The following TECRL variants were observed in gnomAD, a reference collection of about 807,000 sequenced individuals.
TECRL encodes trans-2,3-enoyl-CoA reductase-like.
A neutral mutation model predicts 52.8 loss-of-function variants in TECRL; 63 were observed. The observed-to-expected ratio is 1.19, with a 90% CI of 0.97 to 1.47. TECRL has a LOEUF of 1.47. Among genes scored for constraint, TECRL ranks in the 40% most tolerant of loss-of-function variants. TECRL has a pLI of 0.00. For missense variants in TECRL, 482 were observed against 429.6 expected (o/e 1.12, Z -1.08); for synonymous variants, 164 against 141.9 (o/e 1.16, Z -1.10).
At chr4:64,367,182 A>C (rs1022079972) in intron 2 of TECRL, among the ~76,000 whole-genome samples, 10 of 152,092 alleles carry the variant, frequency 6.6e-5, no homozygotes, top group African/African-American at 2.4e-4. Flanking sequence ...GGAGCAAAGC[A>C]CTAAGTACAC....
rs1157247139 is a variant in TECRL, at chr4:64,279,697, G to A, written c.*375C>T. ...TTTTAAAAATATACTTATTGACCAT[G>A]TATATGTCTTCCTTTGGGAAATGTC... On this transcript the variant is annotated 3_prime_UTR_variant, in exon 12 of 12. Transcript: ENST00000381210. 2 of 709,388 alleles carry A rather than the reference G, an allele frequency of 2.8e-6. No homozygotes were observed. Among genetic ancestry groups the A allele is most frequent in the East Asian group, 2.6e-4 (2 of 7,578 alleles). The allele number at this position is 709,388 out of a possible 1,614,324, so 43.9% of individuals were successfully genotyped here.
At chr4:64,373,930 A>G (rs1185223910) in intron 2 of TECRL, among the ~76,000 whole-genome samples, 1 of 147,966 alleles carries the variant, frequency 6.8e-6, no homozygotes, top group Non-Finnish European at 1.5e-5. Context: ...TATACTATAT[A>G]CACTATATAT....
At chr4:64,352,809 C>A in intron 2 of TECRL, among the ~76,000 whole-genome samples, 1 of 152,168 alleles carries the variant, frequency 6.6e-6, no homozygotes. Context: ...CTTCGATGCT[C>A]ATTATTTACA....
chr4:64,393,372 G>A (rs1723683623), intron 1 of TECRL, among the ~76,000 whole-genome samples: 1 of 151,882 alleles, frequency 6.6e-6, no homozygotes, highest in African/African-American at 2.4e-5. Context: ...GCAAAGGGGG[G>A]GAACATGAAT....
Position 64,398,516 on chromosome 4 carries a change from G to A in TECRL, c.234+10602C>T, listed in dbSNP as rs180713415. On this transcript the variant is annotated intron_variant, in intron 1 of 11. Coordinates refer to ENST00000381210, the MANE Select transcript of TECRL (RefSeq NM_001010874.5). ...CTTATTTTCACCATATGATACACCTGCTCCCTCTTCACCTTCTGTCTAATT... is the reference window on the plus strand; with the variant it reads ...CTTATTTTCACCATATGATACACCTACTCCCTCTTCACCTTCTGTCTAATT... 2.2e-3 allele frequency among the ~76,000 whole-genome samples: 340 copies of A among 152,202 alleles called. 2 individuals carry two copies. Among genetic ancestry groups the A allele is most frequent in the African/African-American group, 7.7e-3 (318 of 41,528 alleles).
intron 8 of TECRL, among the ~76,000 whole-genome samples, chr4:64,291,605 T>C (rs778471155): frequency 1.3e-5 from 2 of 152,102 alleles, no homozygotes; most frequent in South Asian, 2.1e-4. Flanking sequence ...TTCATACTCA[T>C]TCAAACATCA....
chr4:64,297,783 C>T (rs1057106725), intron 8 of TECRL, among the ~76,000 whole-genome samples: 1 of 150,982 alleles, frequency 6.6e-6, no homozygotes, highest in Admixed American at 6.6e-5. Context: ...TGTTTATATG[C>T]AAACTCAATC....
At chr4:64,406,133 T>G (rs1281132468) in intron 1 of TECRL, among the ~76,000 whole-genome samples, 3 of 143,778 alleles carry the variant, frequency 2.1e-5, no homozygotes, top group African/African-American at 7.6e-5. Context: ...AAGAGAAAGC[T>G]TTTTTATTTG....
At chr4:64,292,590 A>G (rs1331852201) in intron 8 of TECRL, among the ~76,000 whole-genome samples, 1 of 152,058 alleles carries the variant, frequency 6.6e-6, no homozygotes, top group Non-Finnish European at 1.5e-5. Context: ...TGACTTAATC[A>G]TTCACAATTA....
intron 2 of TECRL, among the ~76,000 whole-genome samples, chr4:64,341,628 T>TC (rs1719576481): frequency 6.6e-6 from 1 of 151,552 alleles, no homozygotes; most frequent in African/African-American, 2.4e-5. Flanking sequence ...GGCTAAAACA[T>TC]CCCCCTTGCT....
chr4:64,284,117 A>C (rs533572327), intron 9 of TECRL, among the ~76,000 whole-genome samples: 1 of 152,160 alleles, frequency 6.6e-6, no homozygotes, highest in East Asian at 1.9e-4. Context: ...TAAAGTATAA[A>C]ATTGAATAAA....
intron 8 of TECRL, among the ~76,000 whole-genome samples, chr4:64,294,238 C>A (rs1358462134): frequency 2.6e-5 from 4 of 152,154 alleles, no homozygotes; most frequent in African/African-American, 9.6e-5. Context: ...CCACCTGCCT[C>A]AGCCTCGCAA....
chr4:64,287,985 A>G (rs900768055), intron 9 of TECRL, among the ~76,000 whole-genome samples: 5 of 152,028 alleles, frequency 3.3e-5, no homozygotes, highest in Admixed American at 1.3e-4. Context: ...TGTCTCTACT[A>G]AAAATACAAA....
chr4:64,336,937 C>A (rs1719133802), intron 2 of TECRL, among the ~76,000 whole-genome samples: 1 of 152,080 alleles, frequency 6.6e-6, no homozygotes, highest in African/African-American at 2.4e-5. Context: ...ACTATGTGGT[C>A]AATTCTGGAA....
At chr4:64,351,453 T>G (rs1720382242) in intron 2 of TECRL, among the ~76,000 whole-genome samples, 1 of 152,030 alleles carries the variant, frequency 6.6e-6, no homozygotes, top group Non-Finnish European at 1.5e-5. Context: ...TTTTAAATTT[T>G]TAGAAGGATG....
At chr4:64,306,593 G>T (rs1724354471) in intron 6 of TECRL, among the ~76,000 whole-genome samples, 1 of 152,140 alleles carries the variant, frequency 6.6e-6, no homozygotes, top group Admixed American at 6.6e-5. Flanking sequence ...CTCATCAGAA[G>T]TGTAACCCAG....
intron 5 of TECRL, among the ~76,000 whole-genome samples, chr4:64,313,719 G>C (rs924923521): frequency 2.0e-5 from 3 of 150,424 alleles, no homozygotes; most frequent in Non-Finnish European, 4.4e-5. Flanking sequence ...CTGACCTTGT[G>C]ATCCACCCGC....
intron 6 of TECRL, among the ~76,000 whole-genome samples, chr4:64,308,590 A>G (rs1381380923): frequency 6.6e-6 from 1 of 152,158 alleles, no homozygotes; most frequent in Non-Finnish European, 1.5e-5. Context: ...AATCTTCTTC[A>G]GGTACCCTCT....
At chr4:64,314,831 G>T in intron 4 of TECRL, 68 bp from the exon 5 acceptor site, 1 of 1,118,690 alleles carries the variant, frequency 8.9e-7, no homozygotes, top group Non-Finnish European at 1.3e-6. Flanking sequence ...TTGTGTCTAT[G>T]AGTATTAGCC....
Sources: allele counts gnomAD v4.1 joint callset (sites outside exome capture counted in the v4.1 genomes callset), GRCh38; gene constraint gnomAD v4.1.1; transcripts MANE v1.5; gene names NCBI Gene and HGNC (gene_info 2026-07-23, HGNC 2026-07-21).